Variants in UCHL3 observed in about 807,000 individuals in gnomAD.
The protein encoded by UCHL3 is ubiquitin C-terminal hydrolase L3, also known as ubiquitin carboxyl-terminal hydrolase isozyme L3.
In UCHL3, 22 loss-of-function variants were observed where a neutral mutation model predicts 35.8. That is an observed-to-expected ratio of 0.61 (90% CI 0.44 to 0.88). The LOEUF (loss-of-function observed/expected upper bound fraction) is 0.88. Among genes scored for constraint, UCHL3 ranks in the 40% least tolerant of loss-of-function variants. UCHL3 has a pLI of 0.00. For missense variants in UCHL3, 229 were observed against 276.9 expected, an observed-to-expected ratio of 0.83 and a Z score of 1.23; for synonymous variants, 90 against 92.8, an observed-to-expected ratio of 0.97 and a Z score of 0.17.
chr13:75,601,802 C>T (rs1228478332), intron 7 of UCHL3, among the ~76,000 whole-genome samples: 2 of 152,118 alleles, frequency 1.3e-5, no homozygotes, highest in African/African-American at 4.8e-5. Context: ...TAAGCCTGTA[C>T]ATTTTTAAAA....
intron 6 of UCHL3, among the ~76,000 whole-genome samples, chr13:75,577,947 G>C (rs985350907): frequency 9.2e-5 from 14 of 152,060 alleles, no homozygotes; most frequent in African/African-American, 2.9e-4. Context: ...TTTTAAGTTT[G>C]TTGTACTGCC....
At chr13:75,601,899 G>A (rs955654989) in intron 7 of UCHL3, among the ~76,000 whole-genome samples, 8 of 152,220 alleles carry the variant, frequency 5.3e-5, no homozygotes, top group African/African-American at 1.9e-4. Flanking sequence ...CACAAGGTCA[G>A]GAGATCGAGA....
In UCHL3 at chr13:75,566,733, A is replaced by C; in HGVS notation, c.222A>C (p.Lys74Asn). The part of the protein sequence containing the change: ...VFRTEEEEKI[K>N]SQGQDVTSSV... Reference sequence around the variant, plus strand: ...GAACAGAAGAGGAAGAAAAAATAAAATCTCAGGGACAAGATGTTACATCAT... The same window carrying C: ...GAACAGAAGAGGAAGAAAAAATAAACTCTCAGGGACAAGATGTTACATCAT... Residue 74 changes from lysine (K) to asparagine (N), a missense_variant, in exon 4 of 9, where the codon AAA (lysine) becomes AAC (asparagine). Physicochemically the swap from Lys to Asn is moderately conservative, Grantham distance 94. Transcript: ENST00000377595. 1.2e-6 allele frequency: 2 copies of C among 1,601,356 alleles called. No individual in the cohort carries two copies. Among genetic ancestry groups the C allele is most frequent in the Non-Finnish European group, 1.7e-6 (2 of 1,174,594 alleles).
intron 7 of UCHL3, among the ~76,000 whole-genome samples, chr13:75,595,215 G>A (rs1282129133): frequency 2.0e-5 from 3 of 152,052 alleles, no homozygotes; most frequent in Non-Finnish European, 4.4e-5. Context: ...TACCATCTTC[G>A]CATTTTAGCA....
chr13:75,562,127 C>T (rs1312496039), intron 3 of UCHL3, among the ~76,000 whole-genome samples: 1 of 152,000 alleles, frequency 6.6e-6, no homozygotes, highest in Admixed American at 6.6e-5. Context: ...GGAGCCAAAT[C>T]CCACAGGATT....
At chr13:75,598,558 T>G (rs924679509) in intron 7 of UCHL3, among the ~76,000 whole-genome samples, 1 of 152,214 alleles carries the variant, frequency 6.6e-6, no homozygotes, top group African/African-American at 2.4e-5. Flanking sequence ...TAACATTTAT[T>G]TTAAGAGTAT....
At chr13:75,575,824 T>C (rs1458467239) in intron 6 of UCHL3, among the ~76,000 whole-genome samples, 1 of 152,228 alleles carries the variant, frequency 6.6e-6, no homozygotes, top group East Asian at 1.9e-4. Context: ...TGATCTCGGC[T>C]CACTGCAACC....
intron 6 of UCHL3, among the ~76,000 whole-genome samples, chr13:75,571,105 T>G (rs1486941757): frequency 6.6e-6 from 1 of 152,212 alleles, no homozygotes; most frequent in Non-Finnish European, 1.5e-5. Flanking sequence ...ATCTTCACTA[T>G]GCTTTGATTT....
rs1406495283 is a variant in UCHL3 at position 75,594,897 on chromosome 13, T to G, written c.475-18T>G. On this transcript the variant is annotated intron_variant, in intron 6 of 8. Coordinates refer to ENST00000377595, the MANE Select transcript of UCHL3 (RefSeq NM_006002.5). ...GACTACTAATGTATATAATACCTAT[T>G]TTTCCCTCCTATTCCAGGCACCAAG... is the stretch of plus-strand genomic sequence containing the variant. 1 of 1,596,010 alleles carries G rather than the reference T, an allele frequency of 6.3e-7. No homozygotes were observed. The highest frequency in any genetic ancestry group is 1.4e-5 in the African/African-American group (1 of 74,008).
At chr13:75,590,595 T>TA (rs759367213) in intron 6 of UCHL3, among the ~76,000 whole-genome samples, 33 of 152,168 alleles carry the variant, frequency 2.2e-4, no homozygotes, top group African/African-American at 4.8e-5. Flanking sequence ...TTACTTTACT[T>TA]ACTCTATTCT....
upstream of UCHL3, chr13:75,549,595 AT>A (rs112313138): frequency 5.8e-5 from 27 of 464,840 alleles, no homozygotes; most frequent in Non-Finnish European, 8.5e-5. Flanking sequence ...AAATTGGCTT[AT>A]TTTTTTCTCC....
chr13:75,605,068 T>G, intron 8 of UCHL3: 1 of 361,066 alleles, frequency 2.8e-6, no homozygotes, highest in Non-Finnish European at 4.9e-6. Flanking sequence ...AAAGACTTGC[T>G]CATTATATCC....
At chr13:75,591,048 A>G (rs2032466401) in intron 6 of UCHL3, among the ~76,000 whole-genome samples, 2 of 152,204 alleles carry the variant, frequency 1.3e-5, no homozygotes, top group South Asian at 4.1e-4. Flanking sequence ...TACATTTATA[A>G]GAAATTTGAC....
At chr13:75,574,416 G>T (rs2031960153) in intron 6 of UCHL3, among the ~76,000 whole-genome samples, 1 of 152,080 alleles carries the variant, frequency 6.6e-6, no homozygotes, top group South Asian at 2.1e-4. Flanking sequence ...AATAGGCCTT[G>T]TTTGTCTTGT....
chr13:75,556,732 C>T (rs941580096), intron 2 of UCHL3, among the ~76,000 whole-genome samples: 4 of 152,116 alleles, frequency 2.6e-5, no homozygotes, highest in Admixed American at 6.5e-5. Flanking sequence ...TGGTTATAGA[C>T]AGTTTGAAAA....
Position 75,549,997 on chromosome 13 carries a change from G to A in UCHL3, c.54+10G>A, listed in dbSNP as rs754089714. ...TCAGGTCACCAACCAGGTGAGTGAG[G>A]TGTCTGTCGCTCGGGACCTCGGAGT... On this transcript the variant is annotated intron_variant, in intron 2 of 8. Transcript: ENST00000377595. 1.4e-5 allele frequency: 22 copies of A among 1,614,260 alleles called. No homozygotes were observed. Among genetic ancestry groups the A allele is most frequent in the Middle Eastern group, 3.3e-4 (2 of 6,062 alleles).
chr13:75,592,181 C>T (rs1255676811), intron 6 of UCHL3, among the ~76,000 whole-genome samples: 4 of 150,886 alleles, frequency 2.7e-5, no homozygotes, highest in African/African-American at 9.7e-5. Context: ...TTTGTTATCA[C>T]TTTTTAATTC....
intron 6 of UCHL3, chr13:75,589,905 C>T (rs1183993816): frequency 5.5e-6 from 7 of 1,282,926 alleles, no homozygotes; most frequent in Non-Finnish European, 7.2e-6. Flanking sequence ...GTAACGTGGT[C>T]TAAGTAAAAT....
intron 6 of UCHL3, among the ~76,000 whole-genome samples, chr13:75,588,197 T>C (rs1672813092): frequency 6.6e-6 from 1 of 152,166 alleles, no homozygotes; most frequent in Non-Finnish European, 1.5e-5. Flanking sequence ...CACTGAATTC[T>C]TTGCCAAGAA....
Sources: allele counts gnomAD v4.1 joint callset (sites outside exome capture counted in the v4.1 genomes callset), GRCh38; gene constraint gnomAD v4.1.1; transcripts MANE v1.5; gene names NCBI Gene and HGNC (gene_info 2026-07-23, HGNC 2026-07-21).